CCDC149: variants seen among roughly 807,000 people sequenced by gnomAD.
CCDC149 encodes the protein coiled-coil domain containing 149.
Under a neutral mutation model 59.9 loss-of-function variants are expected in CCDC149, and 45 were observed. The ratio of observed to expected loss-of-function variants is 0.75; its 90% confidence interval spans 0.59 to 0.96. The LOEUF (loss-of-function observed/expected upper bound fraction) is 0.96, where lower values mean the gene tolerates loss of function less well. CCDC149 is among the 40% of genes least tolerant of loss of function. The pLI, the probability that CCDC149 is intolerant of heterozygous loss-of-function variation, is 0.00. For synonymous variants in CCDC149, 245 were observed against 260.6 expected (o/e 0.94, Z 0.58); for missense variants, 584 against 664.7 (o/e 0.88, Z 1.33).
chr4:24,841,556 T>C (rs1260976706), intron 4 of CCDC149, among the ~76,000 whole-genome samples: 1 of 152,186 alleles, frequency 6.6e-6, no homozygotes, highest in South Asian at 2.1e-4. Context: ...AATAGCTGGA[T>C]CATTAGTTGT....
At chr4:24,871,377 G>C (rs542750691) in intron 3 of CCDC149, among the ~76,000 whole-genome samples, 1 of 152,312 alleles carries the variant, frequency 6.6e-6, no homozygotes, top group South Asian at 2.1e-4. Flanking sequence ...GGTTAGCCAC[G>C]ACAGCTGGGA....
chr4:24,965,742 G>C (rs1723776273), intron 1 of CCDC149, among the ~76,000 whole-genome samples: 1 of 152,170 alleles, frequency 6.6e-6, no homozygotes, highest in African/African-American at 2.4e-5. Flanking sequence ...AAAAACAAGG[G>C]CCAATTAACT....
chr4:24,936,965 CG>C (rs1722802399), intron 1 of CCDC149, among the ~76,000 whole-genome samples: 1 of 152,116 alleles, frequency 6.6e-6, no homozygotes, highest in Admixed American at 6.5e-5. Flanking sequence ...GCCTGGTTTC[CG>C]AGGTAATTTT....
chr4:24,890,030 G>T (rs979860992), intron 1 of CCDC149, among the ~76,000 whole-genome samples: 3 of 152,076 alleles, frequency 2.0e-5, no homozygotes, highest in Admixed American at 1.3e-4. Context: ...TTCCTTGACC[G>T]TTCTTTAACA....
chr4:24,860,093 T>C (rs1212911267), intron 3 of CCDC149, among the ~76,000 whole-genome samples: 1 of 151,818 alleles, frequency 6.6e-6, no homozygotes, highest in East Asian at 1.9e-4. Flanking sequence ...GAAAAGACAA[T>C]CCTAACATTC....
intron 1 of CCDC149, among the ~76,000 whole-genome samples, chr4:24,974,374 A>G (rs1417235347): frequency 6.6e-6 from 1 of 152,162 alleles, no homozygotes; most frequent in African/African-American, 2.4e-5. Flanking sequence ...CTTTTTCAGC[A>G]ATTCCAGGAG....
At position 24,903,024 on chromosome 4, in the gene CCDC149, C is replaced by CAA. The variant is rs10646050; in HGVS notation, c.63+9791_63+9792dup. 2.4e-3 allele frequency among the ~76,000 whole-genome samples: 128 copies of CAA among 52,454 alleles called. 8 individuals are homozygous for CAA. Among genetic ancestry groups the CAA allele is most frequent in the African/African-American group, 8.6e-3 (111 of 12,910 alleles). The allele number at this position is 52,454 out of a possible 152,430, so 34.4% of individuals were successfully genotyped here. ...TGGGCAACAGAGTGAGAGTCTAACT[C>CAA]AAAAAAAAAAAAAAAAAAAAAAAGA... is the stretch of plus-strand genomic sequence containing the variant. On this transcript the variant is annotated intron_variant, in intron 1 of 12. Coordinates refer to ENST00000635206, the MANE Select transcript of CCDC149 (RefSeq NM_001330643.2).
At chr4:24,820,201 AT>A in intron 11 of CCDC149, 1 of 472,278 alleles carries the variant, frequency 2.1e-6, no homozygotes, top group Non-Finnish European at 3.7e-6. Context: ...CTAATTTAGT[AT>A]TGAATTATAG....
In CCDC149 at chr4:24,819,846, G is replaced by C; in HGVS notation, c.1192+13C>G. 1 of 1,536,464 alleles carries C rather than the reference G, an allele frequency of 6.5e-7. No homozygotes were observed. The highest frequency in any genetic ancestry group is 8.8e-7 in the Non-Finnish European group (1 of 1,133,094). On this transcript the variant is annotated intron_variant, in intron 12 of 12. Coordinates refer to ENST00000635206, the MANE Select transcript of CCDC149 (RefSeq NM_001330643.2). Reference sequence around the variant, plus strand: ...CAGTCCAGGTAAAGATGGAGAAATCGAGGCGTGCTTACCATCCTTGGGATC... The same window carrying C: ...CAGTCCAGGTAAAGATGGAGAAATCCAGGCGTGCTTACCATCCTTGGGATC...
intron 1 of CCDC149, among the ~76,000 whole-genome samples, chr4:24,879,330 C>A (rs963743734): frequency 6.6e-6 from 1 of 151,852 alleles, no homozygotes; most frequent in African/African-American, 2.4e-5. Context: ...CTAGCCTGGA[C>A]AAGATGGCAA....
upstream of CCDC149, among the ~76,000 whole-genome samples, chr4:24,916,917 T>A (rs1181273185): frequency 6.6e-6 from 1 of 151,892 alleles, no homozygotes; most frequent in Non-Finnish European, 1.5e-5. Context: ...CTAAACTACT[T>A]CATTTGCTCT....
In CCDC149 at chr4:24,958,623, C is replaced by T. The variant is rs189860463; in HGVS notation, c.-65+21446G>A. ...CAACTCTAACTTCCAGAGATTAAAA[C>T]TATAATACTTGAGGTAAAAAAAAAT... is the stretch of plus-strand genomic sequence containing the variant. On this transcript the variant is annotated intron_variant, in intron 1 of 12. Coordinates refer to the CCDC149 transcript ENST00000389609. 2.1e-3 allele frequency among the ~76,000 whole-genome samples: 320 copies of T among 152,066 alleles called. 7 individuals are homozygous for T. The highest frequency in any genetic ancestry group is 0.019 in the Admixed American group (289 of 15,284).
intron 4 of CCDC149, among the ~76,000 whole-genome samples, chr4:24,839,919 C>T (rs185365065): frequency 1.7e-4 from 26 of 152,272 alleles, no homozygotes; most frequent in African/African-American, 5.3e-4. Context: ...ACAGATCCGA[C>T]CCAGCCAGGA....
chr4:24,923,621 G>A (rs1022865192), intron 1 of CCDC149, among the ~76,000 whole-genome samples: 1 of 152,180 alleles, frequency 6.6e-6, no homozygotes, highest in Non-Finnish European at 1.5e-5. Context: ...GAGAACAGGT[G>A]AAAACAAAAG....
chr4:24,970,591 C>A (rs1723937636), intron 1 of CCDC149, among the ~76,000 whole-genome samples: 2 of 152,116 alleles, frequency 1.3e-5, no homozygotes, highest in Admixed American at 1.3e-4. Context: ...CATGTCACTA[C>A]ACCAAAGGTA....
intron 1 of CCDC149, among the ~76,000 whole-genome samples, chr4:24,911,647 CAGTT>C (rs778645992): frequency 1.6e-4 from 25 of 152,290 alleles, no homozygotes; most frequent in South Asian, 2.1e-4. Context: ...TAACACCAGA[CAGTT>C]AGGAGAGCTT....
At chr4:24,857,577 T>G (rs562614661) in intron 3 of CCDC149, among the ~76,000 whole-genome samples, 11,446 of 152,216 alleles carry the variant, frequency 0.075, 445 homozygotes, top group Middle Eastern at 0.095. Flanking sequence ...AGAAGACACT[T>G]TATAAAAATC....
At chr4:24,862,043 T>A (rs992880530) in intron 3 of CCDC149, among the ~76,000 whole-genome samples, 6 of 152,190 alleles carry the variant, frequency 3.9e-5, no homozygotes, top group Non-Finnish European at 8.8e-5. Flanking sequence ...GAGAGACTCC[T>A]ATCACCAGAG....
In CCDC149 at chr4:24,912,887, C is replaced by T; in HGVS notation, c.-8G>A. 7.4e-7 allele frequency: 1 copy of T among 1,348,130 alleles called. No homozygotes were observed. The allele number at this position is 1,348,130 out of a possible 1,614,324, so 83.5% of individuals were successfully genotyped here. ...CATGGCCTCCTCCTCCATGCGCTGG[C>T]CGGCCTCCTGGACCCCCGCCGCCTC... On this transcript the variant is annotated 5_prime_UTR_variant, in exon 1 of 13. Transcript: ENST00000635206.
Sources: allele counts gnomAD v4.1 joint callset (sites outside exome capture counted in the v4.1 genomes callset), GRCh38; gene constraint gnomAD v4.1.1; transcripts MANE v1.5; gene names NCBI Gene and HGNC (gene_info 2026-07-23, HGNC 2026-07-21).